The following LRMDA variants were observed in gnomAD, a reference collection of about 807,000 sequenced individuals.
LRMDA encodes the protein leucine rich melanocyte differentiation associated.
Under a neutral mutation model 29.8 loss-of-function variants are expected in LRMDA, and 18 were observed. The ratio of observed to expected loss-of-function variants is 0.60; its 90% CI spans 0.42 to 0.90. The LOEUF (loss-of-function observed/expected upper bound fraction) is 0.90, where lower values mean the gene tolerates loss of function less well. LRMDA is among the 40% of genes least tolerant of loss of function. The pLI is 0.00. For synonymous variants in LRMDA, 125 were observed against 109.4 expected (o/e 1.14, Z -0.89); for missense variants, 273 against 273.9 (o/e 1.00, Z 0.02).
chr10:75,815,672 C>T (rs2133704), intron 2 of LRMDA, among the ~76,000 whole-genome samples: 56,141 of 152,056 alleles, frequency 0.37, 12,211 homozygotes, highest in South Asian at 0.5. Flanking sequence ...AGCCCCTTTC[C>T]ACCAGCCAAC....
chr10:75,553,100 G>C (rs1554899577), intron 2 of LRMDA, among the ~76,000 whole-genome samples: 2 of 151,448 alleles, frequency 1.3e-5, no homozygotes, highest in Non-Finnish European at 2.9e-5. Flanking sequence ...TTTTTTTCTT[G>C]CTTTTTGTCT....
chr10:76,047,895 G>A (rs1220665734), intron 4 of LRMDA, among the ~76,000 whole-genome samples: 1 of 152,200 alleles, frequency 6.6e-6, no homozygotes, highest in Non-Finnish European at 1.5e-5. Flanking sequence ...CATGCGCTTT[G>A]ATGGGCTCCA....
At position 76,161,064 on chromosome 10, in the gene LRMDA, C is replaced by T. The variant is rs952062721; in HGVS notation, c.516+102281C>T. 6.6e-5 allele frequency among the ~76,000 whole-genome samples: 10 copies of T among 151,996 alleles called. No homozygotes were observed. The South Asian group carries it at 1.9e-3, about 28-fold the overall frequency. ...ATAAGAGAAAAGACTAAAAAATAAA[C>T]GAGAGATAACTGAGATAATGGGAAA... On this transcript the variant is annotated intron_variant, in intron 5 of 6. Coordinates refer to ENST00000611255, the MANE Select transcript of LRMDA (RefSeq NM_001305581.2).
At chr10:75,652,855 T>G (rs1206394615) in intron 2 of LRMDA, among the ~76,000 whole-genome samples, 2 of 152,208 alleles carry the variant, frequency 1.3e-5, no homozygotes, top group Non-Finnish European at 2.9e-5. Context: ...TGATATAGAA[T>G]TTTGCAAGCA....
chr10:75,889,575 G>A (rs962424661), intron 2 of LRMDA, among the ~76,000 whole-genome samples: 1 of 152,216 alleles, frequency 6.6e-6, no homozygotes, highest in Non-Finnish European at 1.5e-5. Flanking sequence ...GTAACTGTGA[G>A]CAGCAAGAAT....
chr10:75,432,532 A>G (rs1029192631), intron 1 of LRMDA, among the ~76,000 whole-genome samples: 13 of 152,232 alleles, frequency 8.5e-5, no homozygotes, highest in Non-Finnish European at 7.3e-5. Context: ...CTGCTGGAAA[A>G]GCCAGTTCTC....
intron 6 of LRMDA, among the ~76,000 whole-genome samples, chr10:76,339,039 C>A (rs1195940859): frequency 2.0e-5 from 3 of 152,078 alleles, no homozygotes; most frequent in Non-Finnish European, 4.4e-5. Flanking sequence ...TTTAGCACAT[C>A]TCCTATGAAA....
At chr10:76,158,748 TA>T (rs1309686668) in intron 5 of LRMDA, among the ~76,000 whole-genome samples, 1 of 152,128 alleles carries the variant, frequency 6.6e-6, no homozygotes, top group Non-Finnish European at 1.5e-5. Context: ...CCAGGACAAT[TA>T]ATTTAGTGGT....
intron 6 of LRMDA, among the ~76,000 whole-genome samples, chr10:76,354,150 C>T (rs559531967): frequency 6.6e-5 from 10 of 152,158 alleles, no homozygotes; most frequent in African/African-American, 2.2e-4. Flanking sequence ...CCGTCCCACC[C>T]GAATACATAT....
At chr10:75,531,693 T>A (rs909669080) in intron 2 of LRMDA, among the ~76,000 whole-genome samples, 7 of 152,148 alleles carry the variant, frequency 4.6e-5, no homozygotes, top group Non-Finnish European at 7.4e-5. Context: ...ATGTTCAGTT[T>A]TAATGTAGAT....
chr10:75,442,933 T>G (rs1056445840), intron 2 of LRMDA, among the ~76,000 whole-genome samples: 3 of 152,118 alleles, frequency 2.0e-5, no homozygotes, highest in African/African-American at 7.2e-5. Flanking sequence ...TTGGTTAAAT[T>G]TATAGGAATA....
chr10:75,594,140 A>G (rs1375286763), intron 2 of LRMDA, among the ~76,000 whole-genome samples: 2 of 152,198 alleles, frequency 1.3e-5, no homozygotes, highest in Non-Finnish European at 2.9e-5. Flanking sequence ...ATGTAGCATC[A>G]GGGTGCCCCG....
intron 6 of LRMDA, among the ~76,000 whole-genome samples, chr10:76,539,844 C>A (rs1278894732): frequency 1.3e-5 from 2 of 152,118 alleles, no homozygotes; most frequent in Non-Finnish European, 2.9e-5. Context: ...GCCTGTGAAA[C>A]ATGAATAGGA....
At chr10:75,608,127 T>TACACACAC (rs535614457) in intron 2 of LRMDA, among the ~76,000 whole-genome samples, 1 of 66,302 alleles carries the variant, frequency 1.5e-5, no homozygotes, top group African/African-American at 3.9e-5. Context: ...TATATATATA[T>TACACACAC]ATACACACAC....
intron 2 of LRMDA, among the ~76,000 whole-genome samples, chr10:75,947,888 T>G (rs541961986): frequency 6.6e-6 from 1 of 152,314 alleles, no homozygotes; most frequent in African/African-American, 2.4e-5. Context: ...TGTTTCAATG[T>G]TCTTGCTCGA....
intron 6 of LRMDA, among the ~76,000 whole-genome samples, chr10:76,352,957 C>A (rs1355788833): frequency 1.3e-5 from 2 of 152,086 alleles, no homozygotes; most frequent in East Asian, 1.9e-4. Context: ...CCAAATGAAG[C>A]AGCTTTTGAA....
chr10:75,830,157 A>G (rs1844315384), intron 2 of LRMDA, among the ~76,000 whole-genome samples: 1 of 151,712 alleles, frequency 6.6e-6, no homozygotes, highest in South Asian at 2.1e-4. Flanking sequence ...TTCCCCATCT[A>G]CCCTCCCTTG....
intron 5 of LRMDA, among the ~76,000 whole-genome samples, chr10:76,299,734 A>T (rs1408734121): frequency 6.6e-6 from 1 of 151,888 alleles, no homozygotes; most frequent in Non-Finnish European, 1.5e-5. Context: ...GAATCTTCGC[A>T]ATCTGCTGTC....
At chr10:75,651,103 C>T (rs1841593451) in intron 2 of LRMDA, among the ~76,000 whole-genome samples, 1 of 152,166 alleles carries the variant, frequency 6.6e-6, no homozygotes, top group South Asian at 2.1e-4. Context: ...CTAGAAAGGC[C>T]CGTGTCTTCC....
Sources: allele counts gnomAD v4.1 joint callset (sites outside exome capture counted in the v4.1 genomes callset), GRCh38; gene constraint gnomAD v4.1.1; transcripts MANE v1.5; gene names NCBI Gene and HGNC (gene_info 2026-07-23, HGNC 2026-07-21).